Variants in SBDS observed in about 807,000 individuals in gnomAD.
The protein encoded by SBDS is SBDS ribosome maturation factor.
In SBDS, 20 loss-of-function variants were observed where a neutral mutation model predicts 26.4. The ratio of observed to expected loss-of-function variants is 0.76; its 90% CI spans 0.53 to 1.10. The LOEUF (loss-of-function observed/expected upper bound fraction) is 1.10. Among genes scored for constraint, SBDS ranks in the 50% least tolerant of loss-of-function variants. The probability of loss-of-function intolerance (pLI) is 0.00; values close to 1 mark genes in which losing one functional copy is unlikely to be tolerated. For missense variants in SBDS, 241 were observed against 302.0 expected (o/e 0.80, Z 1.50); for synonymous variants, 95 against 105.1 (o/e 0.90, Z 0.59).
In SBDS at chr7:66,989,407, A is replaced by T. The variant is rs531270054; in HGVS notation, c.625-908T>A. On this transcript the variant is annotated intron_variant, in intron 4 of 4. Coordinates refer to ENST00000246868, the MANE Select transcript of SBDS (RefSeq NM_016038.4). ...CTAAAAATACAAAATTAGCTGGGCG[A>T]GGTGGCACATGCCTGTAATCCCAGC... Among the ~76,000 whole-genome samples the T allele has an allele frequency of 6.2e-3, 935 of 151,236 alleles. 6 individuals carry two copies. The highest frequency in any genetic ancestry group is 0.014 in the Admixed American group (206 of 15,124).
chr7:66,995,129 C>G, intron 1 of SBDS, 161 bp downstream of exon 1: 1 of 1,003,040 alleles, frequency 1.0e-6, no homozygotes, highest in Non-Finnish European at 1.5e-6. Flanking sequence ...GCTTAGGCGC[C>G]AAGCTCGGAC....
chr7:66,989,821 A>C (rs1792938380), intron 4 of SBDS, among the ~76,000 whole-genome samples: 1 of 151,362 alleles, frequency 6.6e-6, no homozygotes, highest in African/African-American at 2.4e-5. Flanking sequence ...TTACATCCAC[A>C]ATTCCACCCC....
In SBDS at chr7:66,995,531, C is replaced by G; in HGVS notation, c.-114G>C. ...CGATCGGCGCGCGGCACTGACCCAA[C>G]CACCAGTGCGCGGCGCCGCGACTCA... On this transcript the variant is annotated 5_prime_UTR_variant, in exon 1 of 5. Coordinates refer to ENST00000246868, the MANE Select transcript of SBDS (RefSeq NM_016038.4). The G allele has an allele frequency of 1.3e-6, 2 of 1,497,884 alleles. No homozygotes were observed. The highest frequency in any genetic ancestry group is 9.2e-7 in the Non-Finnish European group (1 of 1,090,096). 92.8% of individuals were successfully genotyped at this position (1,497,884 alleles called of 1,614,324 possible). A position where few individuals can be genotyped will look rare whatever the true frequency, so the allele number is the denominator to read the frequency against.
intron 4 of SBDS, among the ~76,000 whole-genome samples, chr7:66,989,070 C>T (rs960392156): frequency 1.3e-5 from 2 of 151,828 alleles, no homozygotes; most frequent in African/African-American, 4.8e-5. Flanking sequence ...AGGGTTTCAC[C>T]ATGTTATCTG....
rs2129231119 is a variant in SBDS, at chr7:66,987,954, G to T, written c.*417C>A. The T allele has an allele frequency of 4.0e-6, 1 of 250,718 alleles. No homozygotes were observed. Among genetic ancestry groups the T allele is most frequent in the Non-Finnish European group, 7.8e-6 (1 of 127,462 alleles). 15.5% of individuals were successfully genotyped at this position (250,718 alleles called of 1,614,324 possible). On this transcript the variant is annotated 3_prime_UTR_variant, in exon 5 of 5. Transcript: ENST00000246868. ...CTCAGAACACAAGTTCCATTAAGTA[G>T]AAATGAAGCATCATATGTTTTCTTT...
Position 66,994,784 on chromosome 7 carries a change from T to C in SBDS, c.129-443A>G, listed in dbSNP as rs374159512. Among the ~76,000 whole-genome samples, 1,104 of 152,268 alleles carry C rather than the reference T, an allele frequency of 7.3e-3. 3 individuals carry two copies. Among genetic ancestry groups the C allele is most frequent in the Non-Finnish European group, 0.011 (764 of 68,022 alleles). On this transcript the variant is annotated intron_variant, in intron 1 of 4. Coordinates refer to ENST00000246868, the MANE Select transcript of SBDS (RefSeq NM_016038.4). ...TTCAAAACTCAGAACCGTATTTGCC[T>C]TACCATTTGCTCACTGGAGAAAAAT...
intron 4 of SBDS, among the ~76,000 whole-genome samples, chr7:66,990,171 C>T (rs1792945189): frequency 6.6e-6 from 1 of 152,148 alleles, no homozygotes; most frequent in African/African-American, 2.4e-5. Flanking sequence ...AGGCATGTGC[C>T]ACCACGCCAG....
At position 66,987,753 on chromosome 7, in the gene SBDS, A is replaced by T. The variant is rs1290900296; in HGVS notation, c.*618T>A. The T allele has an allele frequency of 5.8e-6, 1 of 173,536 alleles. No individual in the cohort carries two copies. The highest frequency in any genetic ancestry group is 2.4e-5 in the African/African-American group (1 of 42,084). The allele number at this position is 173,536 out of a possible 1,614,324, so 10.7% of individuals were successfully genotyped here. A position where few individuals can be genotyped will look rare whatever the true frequency, so the allele number is the denominator to read the frequency against. On this transcript the variant is annotated 3_prime_UTR_variant, in exon 5 of 5. Transcript: ENST00000246868. Reference sequence around the variant, plus strand: ...ATTACATACAATTTTAGCTATATTAATATATATTATAAACTTTAAGAATTA... The same window carrying T: ...ATTACATACAATTTTAGCTATATTATTATATATTATAAACTTTAAGAATTA...
Position 66,988,144 on chromosome 7 carries a change from T to C in SBDS, c.*227A>G, listed in dbSNP as rs1053589. On this transcript the variant is annotated 3_prime_UTR_variant, in exon 5 of 5. Coordinates refer to ENST00000246868, the MANE Select transcript of SBDS (RefSeq NM_016038.4). ...AAAATGCCACTCTGGACTTTGCATC[T>C]TGGAGTTTCAATTTTGCTTTAGGAT... The C allele has an allele frequency of 3.3e-5, 17 of 509,404 alleles. No individual in the cohort carries two copies. The highest frequency in any genetic ancestry group is 3.2e-4 in the African/African-American group (17 of 52,382). 31.6% of individuals were successfully genotyped at this position (509,404 alleles called of 1,614,324 possible).
intron 1 of SBDS, chr7:66,995,086 A>T (rs1315867403): frequency 1.5e-6 from 1 of 685,588 alleles, no homozygotes; most frequent in African/African-American, 1.8e-5. Context: ...CAACAACCCA[A>T]TCCGAACCAA....
In SBDS at chr7:66,995,352, A is replaced by G. The variant is rs774593246; in HGVS notation, c.66T>C (p.Arg22=). The stretch of plus-strand genomic sequence containing the variant: ...AGGCGATTTCGAAGCGCTTCCCGGC[A>G]CGCTTCATCCGTACCACGGCCACAT... The part of the protein sequence containing the change: ...LTNVAVVRMK[R]AGKRFEIACY... Residue 22 remains arginine, a synonymous_variant, in exon 1 of 5, where the codon CGT becomes CGC. Transcript: ENST00000246868. The G allele has an allele frequency of 4.4e-5, 71 of 1,613,986 alleles. No individual in the cohort carries two copies. The highest frequency in any genetic ancestry group is 6.6e-5 in the South Asian group (6 of 91,092).
At chr7:66,988,581 A>G (rs1792915602) in intron 4 of SBDS, 82 bp from the exon 5 acceptor site, 1 of 1,490,390 alleles carries the variant, frequency 6.7e-7, no homozygotes. Context: ...CTTTGAGGCA[A>G]GCACAATGCT....
At position 66,990,210 on chromosome 7, in the gene SBDS, G is replaced by T. The variant is rs186489537; in HGVS notation, c.624+927C>A. Among the ~76,000 whole-genome samples, 3 of 151,912 alleles carry T rather than the reference G, an allele frequency of 2.0e-5. No homozygotes were observed. In the East Asian group the frequency reaches 5.8e-4, roughly 29 times the overall value. ...ATTTTGTATTTTTAGTAGAGACAGG[G>T]TTTCTCCATGTTGGTCAGACTGGTC... On this transcript the variant is annotated intron_variant, in intron 4 of 4. Transcript: ENST00000246868.
In SBDS at chr7:66,994,248, C is replaced by T. The variant is rs1473875401; in HGVS notation, c.222G>A (p.Ala74=). The T allele has an allele frequency of 7.4e-6, 12 of 1,613,972 alleles. No homozygotes were observed. The highest frequency in any genetic ancestry group is 1.0e-5 in the Non-Finnish European group (12 of 1,179,984). The change falls in exon 2 of 5, where the codon GCG becomes GCA. Residue 74 remains alanine (A), a synonymous_variant. Transcript: ENST00000246868. The stretch of plus-strand genomic sequence containing the variant: ...TTTCAGTTTGGTCATCTGTTCCAAA[C>T]GCACTGATGAGATCTTCCTTTTTGG... The part of the protein sequence containing the change: ...QVAKKEDLIS[A]FGTDDQTEIC...
chr7:66,991,083 C>T, intron 4 of SBDS, 54 bp downstream of exon 4: 1 of 1,384,308 alleles, frequency 7.2e-7, no homozygotes, highest in East Asian at 2.3e-5. Flanking sequence ...AAATTTATTA[C>T]TAGAGAATAC....
intron 1 of SBDS, 129 bp downstream of exon 1, chr7:66,995,161 C>G: frequency 7.7e-7 from 1 of 1,306,552 alleles, no homozygotes. Context: ...ATGCTCACAG[C>G]AGGAATGTTC....
chr7:66,991,072 C>T (rs1435362069), intron 4 of SBDS, 65 bp downstream of exon 4: 1 of 1,370,494 alleles, frequency 7.3e-7, no homozygotes, highest in East Asian at 2.3e-5. Context: ...ATGTTTGCTA[C>T]AAATTTATTA....
intron 3 of SBDS, among the ~76,000 whole-genome samples, chr7:66,992,639 C>T (rs6971508): frequency 0.099 from 14,998 of 151,682 alleles, 919 homozygotes; most frequent in Non-Finnish European, 0.13. Flanking sequence ...CCGTCCTTTT[C>T]CTCCATCTCT....
rs145928420 is a variant in SBDS at position 66,993,140 on chromosome 7, G to A, written c.459+77C>T. ...GCATGAACCATTGTGCCTGGCCCCA[G>A]ACCCATTATTTTAATGATTTCTTCA... On this transcript the variant is annotated intron_variant, in intron 3 of 4. Transcript: ENST00000246868. 4.0e-5 allele frequency: 53 copies of A among 1,328,330 alleles called. 1 individual carries two copies. In the African/African-American group the frequency reaches 6.5e-4, roughly 16 times the overall value. 82.3% of individuals were successfully genotyped at this position (1,328,330 alleles called of 1,614,324 possible).
Sources: allele counts gnomAD v4.1 joint callset (sites outside exome capture counted in the v4.1 genomes callset), GRCh38; gene constraint gnomAD v4.1.1; transcripts MANE v1.5; gene names NCBI Gene and HGNC (gene_info 2026-07-23, HGNC 2026-07-21).